The following RAP1GAP2 variants were observed in gnomAD, a reference collection of about 807,000 sequenced individuals.
RAP1GAP2 encodes the protein rap1 GTPase-activating protein 2.
RAP1GAP2 carries 27 observed loss-of-function variants against 95.0 expected under a neutral mutation model. That is an observed-to-expected ratio of 0.28 (90% CI 0.21 to 0.39). RAP1GAP2 has a LOEUF of 0.39. Among genes scored for constraint, RAP1GAP2 ranks in the 10% least tolerant of loss-of-function variants. RAP1GAP2 has a pLI of 1.00. For synonymous variants in RAP1GAP2, 373 were observed against 380.9 expected, an observed-to-expected ratio of 0.98 and a Z score of 0.24; for missense variants, 771 against 970.0, an observed-to-expected ratio of 0.79 and a Z score of 2.72.
chr17:2,855,197 A>C lies in RAP1GAP2; in HGVS notation c.81-50087A>C, dbSNP rs2072082491. On this transcript the variant is annotated intron_variant, in intron 2 of 24. Coordinates refer to ENST00000254695, the MANE Select transcript of RAP1GAP2 (RefSeq NM_015085.5). This position sits in a 1 kb window ranked among gnomAD's most constrained non-coding sequence, Gnocchi z 4.3. ...GTCCCCCCTTCCTATAATGTGTGTA[A>C]CAAGATGTTGCCCGCTGCACAGAAT... is the stretch of plus-strand genomic sequence containing the variant. 6.6e-6 allele frequency among the ~76,000 whole-genome samples: 1 copy of C among 152,082 alleles called. No individual in the cohort carries two copies. The highest frequency in any genetic ancestry group is 1.5e-5 in the Non-Finnish European group (1 of 68,026).
rs2047453302 is a variant in RAP1GAP2 at position 3,035,822 on chromosome 17, C to T, written c.*2461C>T. ...GGCTGTTTCCCCCACGCTGTCCCTA[C>T]ATCTGCTCTGATCTAAAATGTCTTT... On this transcript the variant is annotated 3_prime_UTR_variant, in exon 25 of 25. Transcript: ENST00000254695. This position sits in a 1 kb window ranked among gnomAD's most constrained non-coding sequence, Gnocchi z 4.3. 1 of 152,288 alleles carries T rather than the reference C, an allele frequency of 6.6e-6. No individual in the cohort carries two copies. The highest frequency in any genetic ancestry group is 1.5e-5 in the Non-Finnish European group (1 of 68,080). The allele number at this position is 152,288 out of a possible 1,614,324, so 9.4% of individuals were successfully genotyped here. A position where few individuals can be genotyped will look rare whatever the true frequency, so the allele number is the denominator to read the frequency against.
chr17:2,890,384 G>A (rs192335468), intron 2 of RAP1GAP2, among the ~76,000 whole-genome samples: 2 of 152,304 alleles, frequency 1.3e-5, no homozygotes, highest in African/African-American at 2.4e-5. Context: ...AATCCATTAT[G>A]TCACCAAGTA....
intron 3 of RAP1GAP2, among the ~76,000 whole-genome samples, chr17:2,926,529 T>C (rs948154009): frequency 6.6e-6 from 1 of 151,818 alleles, no homozygotes; most frequent in African/African-American, 2.4e-5. Context: ...GGTGCCAGAG[T>C]GTCACAGTTC....
intron 3 of RAP1GAP2, among the ~76,000 whole-genome samples, chr17:2,938,012 C>G (rs567361793): frequency 7.9e-5 from 12 of 152,126 alleles, no homozygotes; most frequent in African/African-American, 2.4e-4. Flanking sequence ...AGGAGACGGG[C>G]TTTGTGCCTG....
rs952317368 is a variant in RAP1GAP2 at position 2,963,668 on chromosome 17, A to G, written c.280-188A>G. ...ATCTAGGCCTTTCAGCCCTGGGGCT[A>G]CAGGGTTGGCGAATGAAGCTGGAGG... is the stretch of plus-strand genomic sequence containing the variant. On this transcript the variant is annotated intron_variant, in intron 6 of 24. Coordinates refer to ENST00000254695, the MANE Select transcript of RAP1GAP2 (RefSeq NM_015085.5). This position sits in a 1 kb window ranked among gnomAD's most constrained non-coding sequence, Gnocchi z 4.8. 6.6e-6 allele frequency among the ~76,000 whole-genome samples: 1 copy of G among 152,160 alleles called. No homozygotes were observed. Among genetic ancestry groups the G allele is most frequent in the Non-Finnish European group, 1.5e-5 (1 of 68,024 alleles).
At chr17:2,964,790 T>G (rs533885934) in intron 7 of RAP1GAP2, 27 of 152,536 alleles carry the variant, frequency 1.8e-4, no homozygotes, top group African/African-American at 6.5e-4. Context: ...TGCTTAAAAG[T>G]GACAAAGTTA....
intron 2 of RAP1GAP2, among the ~76,000 whole-genome samples, chr17:2,889,680 A>ATT (rs66922781): frequency 4.8e-4 from 52 of 108,524 alleles, no homozygotes; most frequent in African/African-American, 1.7e-3. Context: ...TCTGCGCTGG[A>ATT]TTTTTTTTTT....
intron 3 of RAP1GAP2, among the ~76,000 whole-genome samples, chr17:2,914,093 G>C (rs1021234276): frequency 6.6e-6 from 1 of 151,794 alleles, no homozygotes; most frequent in East Asian, 1.9e-4. Context: ...GGATGGTCTC[G>C]AACTCCCAAC....
rs933080646 is a variant in RAP1GAP2 at position 2,797,433 on chromosome 17, G to A, written c.44+862G>A. ...ACAGAGTCTGGTGGTTTTCATGATC[G>A]GTTTCCTTTCAGTGCCTGGGCTGGG... is the stretch of plus-strand genomic sequence containing the variant. On this transcript the variant is annotated intron_variant, in intron 1 of 24. Transcript: ENST00000254695. The surrounding 1 kb of genome is among the most constrained non-coding windows in gnomAD (Gnocchi z 5.6). 3.3e-5 allele frequency among the ~76,000 whole-genome samples: 5 copies of A among 152,064 alleles called. No individual in the cohort carries two copies. Among genetic ancestry groups the A allele is most frequent in the Non-Finnish European group, 4.4e-5 (3 of 68,026 alleles).
intron 24 of RAP1GAP2, among the ~76,000 whole-genome samples, 198 bp downstream of exon 24, chr17:3,032,647 G>A (rs2047361972): frequency 1.3e-5 from 2 of 152,186 alleles, no homozygotes; most frequent in African/African-American, 4.8e-5. Context: ...ATGGGAAGGG[G>A]GTTCCCAGTG....
chr17:3,017,956 C>T (rs188841709), intron 17 of RAP1GAP2, 105 bp from the exon 18 acceptor site: 83 of 1,030,254 alleles, frequency 8.1e-5, no homozygotes, highest in South Asian at 1.6e-4. Flanking sequence ...TGTATGTGTG[C>T]ACGCATACGT....
At chr17:2,760,587 G>A (rs1057440912) in intron 1 of RAP1GAP2, among the ~76,000 whole-genome samples, 5 of 147,270 alleles carry the variant, frequency 3.4e-5, no homozygotes, top group Non-Finnish European at 7.6e-5. Flanking sequence ...GTGATCCATC[G>A]ACCTTGGCCT....
At chr17:2,799,009 C>T (rs1295560112) in intron 1 of RAP1GAP2, among the ~76,000 whole-genome samples, 1 of 152,218 alleles carries the variant, frequency 6.6e-6, no homozygotes, top group Non-Finnish European at 1.5e-5. Context: ...CTCAGTTTCC[C>T]CTTGTGTCAG....
At chr17:2,872,736 G>T (rs994749834) in intron 2 of RAP1GAP2, among the ~76,000 whole-genome samples, 60 of 151,776 alleles carry the variant, frequency 4.0e-4, no homozygotes, top group African/African-American at 1.4e-3. Context: ...TGTCACCCAG[G>T]CTAGAGTGCA....
rs569128313 is a variant in RAP1GAP2 at position 3,029,546 on chromosome 17, A to G, written c.2108-1376A>G. Reference sequence around the variant, plus strand: ...CCTGACGTCCTGACGTACAGTCTCCATAATGTCAGATATCTGATCATGGTC... The same window carrying G: ...CCTGACGTCCTGACGTACAGTCTCCGTAATGTCAGATATCTGATCATGGTC... On this transcript the variant is annotated intron_variant, in intron 22 of 24. Transcript: ENST00000254695. The surrounding 1 kb of genome is among the most constrained non-coding windows in gnomAD (Gnocchi z 4.4). 6.6e-5 allele frequency among the ~76,000 whole-genome samples: 10 copies of G among 152,276 alleles called. No homozygotes were observed. Among genetic ancestry groups the G allele is most frequent in the Middle Eastern group, 3.4e-3 (1 of 294 alleles).
intron 19 of RAP1GAP2, among the ~76,000 whole-genome samples, chr17:3,021,044 T>C (rs1425959605): frequency 2.0e-5 from 3 of 152,210 alleles, no homozygotes; most frequent in Non-Finnish European, 4.4e-5. Context: ...GTCTTTCTGA[T>C]TCTTTTAAAA....
chr17:2,809,265 G>A (rs1350745495), intron 2 of RAP1GAP2, among the ~76,000 whole-genome samples: 1 of 152,238 alleles, frequency 6.6e-6, no homozygotes, highest in African/African-American at 2.4e-5. Flanking sequence ...GCCCTGGCCA[G>A]TAGGTACCAG....
At chr17:2,919,081 G>T in intron 3 of RAP1GAP2, among the ~76,000 whole-genome samples, 1 of 152,136 alleles carries the variant, frequency 6.6e-6, no homozygotes. Context: ...CAGCTGAGGG[G>T]CCTGTCTGTG....
chr17:2,995,067 G>C (rs539107878), intron 12 of RAP1GAP2, among the ~76,000 whole-genome samples: 1 of 151,512 alleles, frequency 6.6e-6, no homozygotes, highest in Non-Finnish European at 1.5e-5. Context: ...TGCCTGCCTC[G>C]GCCTCCCAAA....
Sources: gnomAD v4.1 joint callset for allele counts (sites outside exome capture counted in the v4.1 genomes callset) on GRCh38, gnomAD v4.1.1 for gene constraint, Gnocchi (gnomAD v3.1) non-coding constraint, MANE v1.5 for transcripts, NCBI Gene and HGNC (gene_info 2026-07-23, HGNC 2026-07-21) for gene names.